The following SMC6 variants were observed in gnomAD, a reference collection of about 807,000 sequenced individuals.
SMC6 encodes the protein structural maintenance of chromosomes 6, also known as structural maintenance of chromosomes protein 6.
In SMC6, 79 loss-of-function variants were observed where a neutral mutation model predicts 142.2. That is an observed-to-expected ratio of 0.56 (90% CI 0.46 to 0.67). The LOEUF is 0.67. Among genes scored for constraint, SMC6 ranks in the 30% least tolerant of loss-of-function variants. The pLI is 0.00. For missense variants in SMC6, 1,072 were observed against 1,284.0 expected (o/e 0.83, Z 2.52); for synonymous variants, 411 against 412.4 (o/e 1.00, Z 0.04).
intron 25 of SMC6, among the ~76,000 whole-genome samples, chr2:17,677,982 G>A (rs1667074561): frequency 6.6e-6 from 1 of 152,086 alleles, no homozygotes; most frequent in Admixed American, 6.6e-5. Context: ...TATTTAGAGT[G>A]GATAGTTGTT....
intron 23 of SMC6, among the ~76,000 whole-genome samples, chr2:17,690,835 C>A (rs1029441851): frequency 1.3e-5 from 2 of 151,684 alleles, no homozygotes; most frequent in African/African-American, 4.8e-5. Context: ...AAAAAAGAAT[C>A]TAAGAAGGCC....
At chr2:17,702,008 A>C (rs1668292408) in intron 19 of SMC6, 99 bp from the exon 20 acceptor site, 2 of 643,616 alleles carry the variant, frequency 3.1e-6, no homozygotes, top group Non-Finnish European at 5.4e-6. Context: ...TAATGATGAT[A>C]CAGAAGGATT....
intron 11 of SMC6, 82 bp downstream of exon 11, chr2:17,720,858 G>A: frequency 8.6e-7 from 1 of 1,165,586 alleles, no homozygotes; most frequent in Non-Finnish European, 1.3e-6. Context: ...GAAACTGATG[G>A]TTTGGTGGGT....
chr2:17,690,734 T>C (rs970735846), intron 23 of SMC6, among the ~76,000 whole-genome samples: 5 of 151,928 alleles, frequency 3.3e-5, no homozygotes, highest in African/African-American at 1.2e-4. Flanking sequence ...AAAATAAATA[T>C]AAATAAATGA....
At chr2:17,723,092 G>C (rs971659183) in intron 9 of SMC6, among the ~76,000 whole-genome samples, 2 of 151,256 alleles carry the variant, frequency 1.3e-5, no homozygotes, top group South Asian at 4.2e-4. Context: ...TACTACTAAA[G>C]TAATTAATCT....
In SMC6 at chr2:17,750,594, G is replaced by A. The variant is rs550729150; in HGVS notation, c.-6+2384C>T. 1.2e-4 allele frequency among the ~76,000 whole-genome samples: 18 copies of A among 152,282 alleles called. No individual in the cohort carries two copies. The South Asian group carries it at 3.1e-3, about 26-fold the overall frequency. On this transcript the variant is annotated intron_variant, in intron 2 of 27. Transcript: ENST00000448223. ...CAAAACCCAGTTAAACCTCTTTAAC[G>A]CCCAGGTTCCTACTGGCATAAACTG...
intron 25 of SMC6, among the ~76,000 whole-genome samples, chr2:17,672,755 A>T (rs1484394683): frequency 6.6e-6 from 1 of 152,140 alleles, no homozygotes. Flanking sequence ...CAGATCATCT[A>T]TGTTGTGTGC....
intron 11 of SMC6, among the ~76,000 whole-genome samples, chr2:17,718,990 C>T (rs1389209911): frequency 1.3e-5 from 2 of 152,088 alleles, no homozygotes; most frequent in African/African-American, 4.8e-5. Context: ...TATTATGGAA[C>T]AAAGACAATT....
chr2:17,685,261 A>C (rs529922236), intron 23 of SMC6, among the ~76,000 whole-genome samples: 1 of 152,256 alleles, frequency 6.6e-6, no homozygotes, highest in South Asian at 2.1e-4. Flanking sequence ...CAAATTTTTT[A>C]AGAACTAAAA....
chr2:17,736,629 C>G (rs531346224), intron 5 of SMC6, among the ~76,000 whole-genome samples: 2 of 151,564 alleles, frequency 1.3e-5, no homozygotes, highest in Non-Finnish European at 2.9e-5. Context: ...AATTCCAGCA[C>G]TTTGGGAGGC....
intron 3 of SMC6, among the ~76,000 whole-genome samples, chr2:17,743,632 C>T (rs895400782): frequency 1.3e-5 from 2 of 152,026 alleles, no homozygotes; most frequent in African/African-American, 2.4e-5. Flanking sequence ...AGGGTTCACT[C>T]GATATTATTG....
At chr2:17,686,358 G>A (rs2124869305) in intron 23 of SMC6, among the ~76,000 whole-genome samples, 1 of 152,098 alleles carries the variant, frequency 6.6e-6, no homozygotes, top group Non-Finnish European at 1.5e-5. Flanking sequence ...GGCAGGTGCT[G>A]GTAATCCCAG....
At chr2:17,743,736 A>C (rs1403155567) in intron 3 of SMC6, among the ~76,000 whole-genome samples, 1 of 152,182 alleles carries the variant, frequency 6.6e-6, no homozygotes, top group Non-Finnish European at 1.5e-5. Flanking sequence ...TCCGGTGCTC[A>C]ACCTATTCAT....
At chr2:17,716,624 T>A in intron 14 of SMC6, 117 bp downstream of exon 14, 3 of 1,078,824 alleles carry the variant, frequency 2.8e-6, no homozygotes, top group South Asian at 3.5e-5. Flanking sequence ...AAAATCTTTT[T>A]AAAAAGATCC....
Position 17,664,847 on chromosome 2 carries a change from T to G in SMC6, c.*652A>C, listed in dbSNP as rs889051731. 1 of 152,330 alleles carries G rather than the reference T, an allele frequency of 6.6e-6. No homozygotes were observed. Among genetic ancestry groups the G allele is most frequent in the Non-Finnish European group, 1.5e-5 (1 of 68,122 alleles). 9.4% of individuals were successfully genotyped at this position (152,330 alleles called of 1,614,324 possible). A position where few individuals can be genotyped will look rare whatever the true frequency, so the allele number is the denominator to read the frequency against. On this transcript the variant is annotated 3_prime_UTR_variant, in exon 28 of 28. Transcript: ENST00000448223. ...GCTGAGGACAAGCCTGAACAGTCCC[T>G]GGACTGCAAACTGAGGGCTTTTAAA...
chr2:17,735,262 C>A (rs571547598), intron 5 of SMC6, among the ~76,000 whole-genome samples: 4 of 152,246 alleles, frequency 2.6e-5, no homozygotes, highest in African/African-American at 7.2e-5. Context: ...AAAAGAGAGA[C>A]TATCTATGAG....
intron 16 of SMC6, among the ~76,000 whole-genome samples, chr2:17,714,378 G>A (rs150429629): frequency 0.01 from 1,532 of 152,228 alleles, 21 homozygotes; most frequent in African/African-American, 0.035. Flanking sequence ...ACAGGCATGA[G>A]CCCCTGTGCC....
At chr2:17,753,290 G>A (rs527944679) in intron 1 of SMC6, among the ~76,000 whole-genome samples, 1 of 151,660 alleles carries the variant, frequency 6.6e-6, no homozygotes, top group East Asian at 1.9e-4. Context: ...ACCTCTCCCC[G>A]CTTTACAGTT....
intron 26 of SMC6, among the ~76,000 whole-genome samples, chr2:17,669,979 T>A (rs897204199): frequency 1.3e-5 from 2 of 152,230 alleles, no homozygotes; most frequent in Non-Finnish European, 2.9e-5. Flanking sequence ...ATTCAAAAGT[T>A]CTTGCTCGCT....
Sources: allele counts gnomAD v4.1 joint callset (sites outside exome capture counted in the v4.1 genomes callset), GRCh38; gene constraint gnomAD v4.1.1; transcripts MANE v1.5; gene names NCBI Gene and HGNC (gene_info 2026-07-23, HGNC 2026-07-21).